Variants in SEC24C observed in about 807,000 individuals in gnomAD.
SEC24C encodes SEC24 homolog C, COPII component.
A neutral mutation model predicts 117.0 loss-of-function variants in SEC24C; 22 were observed. That is an observed-to-expected ratio of 0.19 (90% CI 0.13 to 0.27). SEC24C has a LOEUF of 0.27. SEC24C is among the 10% of genes least tolerant of loss of function. SEC24C has a pLI of 1.00. For synonymous variants in SEC24C, 506 were observed against 529.4 expected (o/e 0.96, Z 0.61); for missense variants, 1,155 against 1,375.1 (o/e 0.84, Z 2.53).
At chr10:73,761,337 TCTG>T (rs2082793416) in intron 6 of SEC24C, among the ~76,000 whole-genome samples, 1 of 152,204 alleles carries the variant, frequency 6.6e-6, no homozygotes, top group African/African-American at 2.4e-5. Context: ...TTGGTAGGCT[TCTG>T]CTGTGTGGAT....
intron 20 of SEC24C, 26 bp from the exon 21 acceptor site, chr10:73,770,254 C>A (rs530958712): frequency 6.3e-7 from 1 of 1,575,300 alleles, no homozygotes; most frequent in South Asian, 1.2e-5. Flanking sequence ...TCCTTGGTAA[C>A]CTTTTGCTCC....
Position 73,769,765 on chromosome 10 carries a change from T to C in SEC24C, c.2682+32T>C. The C allele has an allele frequency of 1.2e-6, 2 of 1,612,670 alleles. No homozygotes were observed. Among genetic ancestry groups the C allele is most frequent in the African/African-American group, 1.3e-5 (1 of 75,006 alleles). ...CAAGTATATTAGTGGGAGGTGGGGTTGTTGGGACAAATGTTTGCATTTGGG... is the reference window on the plus strand; with the variant it reads ...CAAGTATATTAGTGGGAGGTGGGGTCGTTGGGACAAATGTTTGCATTTGGG... On this transcript the variant is annotated intron_variant, in intron 19 of 22. Coordinates refer to ENST00000345254, the MANE Select transcript of SEC24C (RefSeq NM_198597.3). This position sits in a 1 kb window ranked among gnomAD's most constrained non-coding sequence, Gnocchi z 4.5.
intron 11 of SEC24C, 32 bp downstream of exon 11, chr10:73,766,242 G>T: frequency 6.3e-7 from 1 of 1,599,022 alleles, no homozygotes; most frequent in East Asian, 2.2e-5. Flanking sequence ...TGTTTCCTGA[G>T]GTTAATGATA....
chr10:73,759,150 C>T (rs2082756618), intron 3 of SEC24C, among the ~76,000 whole-genome samples: 1 of 151,562 alleles, frequency 6.6e-6, no homozygotes, highest in African/African-American at 2.4e-5. Flanking sequence ...GAGCTGTGAT[C>T]ACACCACTGC....
At chr10:73,757,321 T>A (rs1006028063) in intron 3 of SEC24C, among the ~76,000 whole-genome samples, 1 of 148,074 alleles carries the variant, frequency 6.8e-6, no homozygotes, top group African/African-American at 2.5e-5. Flanking sequence ...GCCAGAAGTT[T>A]TAGACCAGCC....
At position 73,769,330 on chromosome 10, in the gene SEC24C, T is replaced by C. The variant is rs779701196; in HGVS notation, c.2425-17T>C. On this transcript the variant is annotated splice_polypyrimidine_tract_variant and intron_variant, in intron 17 of 22. Coordinates refer to ENST00000345254, the MANE Select transcript of SEC24C (RefSeq NM_198597.3). The surrounding 1 kb of genome is among the most constrained non-coding windows in gnomAD (Gnocchi z 4.5). ...GTGAGGGAGGGGTGTGAGTTCCCCC[T>C]TTCTCCTTTCCCCTAGTGTGCCCTG... is the stretch of plus-strand genomic sequence containing the variant. 1.2e-6 allele frequency: 2 copies of C among 1,613,238 alleles called. No individual in the cohort carries two copies. The highest frequency in any genetic ancestry group is 1.1e-5 in the South Asian group (1 of 90,848).
rs538361674 is a variant in SEC24C, at chr10:73,770,366, G to A, written c.2949G>A (p.Leu983=). 5.0e-6 allele frequency: 8 copies of A among 1,614,022 alleles called. No individual in the cohort carries two copies. The East Asian group carries it at 1.1e-4, about 22-fold the overall frequency. Residue 983 remains leucine, a synonymous_variant, in exon 21 of 23, where the codon CTG becomes CTA. Coordinates refer to ENST00000345254, the MANE Select transcript of SEC24C (RefSeq NM_198597.3). ...ERLSNGDIYL[L]ENGLNLFLWV... is the part of the protein sequence containing the mutation. ...TAAGCAATGGGGATATATATTTACT[G>A]GAGAATGGGCTCAACCTCTTCCTCT...
At chr10:73,761,983 G>A in intron 6 of SEC24C, 1 of 608,214 alleles carries the variant, frequency 1.6e-6, no homozygotes, top group South Asian at 1.6e-5. Flanking sequence ...ATATGAGCTG[G>A]GCTCCAGCTG....
chr10:73,759,371 A>G (rs370527681), intron 3 of SEC24C, among the ~76,000 whole-genome samples: 1 of 152,246 alleles, frequency 6.6e-6, no homozygotes, highest in East Asian at 1.9e-4. Flanking sequence ...TTAGCAGAGT[A>G]AATAGTACTT....
chr10:73,768,790 C>T lies in SEC24C; in HGVS notation c.2182-20C>T, dbSNP rs764257479. ...GCTATGTCTAGTCAGTGACATGACTCTGGACCTGGGGGCCTGCAGGTGGAG... is the reference window on the plus strand; with the variant it reads ...GCTATGTCTAGTCAGTGACATGACTTTGGACCTGGGGGCCTGCAGGTGGAG... On this transcript the variant is annotated intron_variant, in intron 15 of 22. Coordinates refer to ENST00000345254, the MANE Select transcript of SEC24C (RefSeq NM_198597.3). 1.9e-6 allele frequency: 3 copies of T among 1,612,152 alleles called. No individual in the cohort carries two copies. The South Asian group carries it at 3.3e-5, about 18-fold the overall frequency.
chr10:73,770,630 G>A, intron 21 of SEC24C, 79 bp from the exon 22 acceptor site: 1 of 1,528,430 alleles, frequency 6.5e-7, no homozygotes, highest in South Asian at 1.1e-5. Context: ...TGTTTCAGAT[G>A]ATGCATACAT....
chr10:73,766,643 T>C, intron 12 of SEC24C, 102 bp downstream of exon 12: 1 of 1,454,396 alleles, frequency 6.9e-7, no homozygotes, highest in South Asian at 1.2e-5. Context: ...TGGAAAGGGG[T>C]TGTGGCCCAG....
chr10:73,765,466 G>T lies in SEC24C; in HGVS notation c.1243G>T (p.Val415Leu). The change falls in exon 9 of 23, where the codon GTG becomes TTG. Residue 415 changes from valine (V) to leucine (L), a missense_variant. Transcript: ENST00000345254. ...LPPEEASPYVVDHGESGPLRC... is the reference protein window; with the variant it reads ...LPPEEASPYVLDHGESGPLRC... ...TGCGCCTTAGGCTTCACCGTATGTT[G>T]TGGACCATGGGGAATCTGGCCCTTT... The T allele has an allele frequency of 6.2e-7, 1 of 1,613,524 alleles. No homozygotes were observed. Among genetic ancestry groups the T allele is most frequent in the Middle Eastern group, 1.7e-4 (1 of 6,058 alleles).
rs762204523 is a variant in SEC24C at position 73,769,868 on chromosome 10, A to G, written c.2715A>G (p.Pro905=). 6.2e-7 allele frequency: 1 copy of G among 1,614,228 alleles called. No homozygotes were observed. Among genetic ancestry groups the G allele is most frequent in the Middle Eastern group, 1.6e-4 (1 of 6,062 alleles). Residue 905 remains proline (P), a synonymous_variant, in exon 20 of 23, where the codon CCA becomes CCG. Transcript: ENST00000345254. This position sits in a 1 kb window ranked among gnomAD's most constrained non-coding sequence, Gnocchi z 4.5. The stretch of plus-strand genomic sequence containing the variant: ...TTCCTGAGTGCATGAAGCTACTCCC[A>G]GTTTACCTGAACTGTGTGTTGAAGA... The part of the protein sequence containing the change: ...LILPECMKLL[P]VYLNCVLKSD...
At position 73,766,858 on chromosome 10, in the gene SEC24C, G is replaced by C. The variant is rs762394808; in HGVS notation, c.1893+5G>C. Reference sequence around the variant, plus strand: ...GCTGGAATGGAGGCTCTGAAGGTAAGGCTGGAGTATCGGGCAACCTCCTCT... The same window carrying C: ...GCTGGAATGGAGGCTCTGAAGGTAACGCTGGAGTATCGGGCAACCTCCTCT... On this transcript the variant is annotated splice_donor_5th_base_variant and intron_variant, in intron 13 of 22. Coordinates refer to ENST00000345254, the MANE Select transcript of SEC24C (RefSeq NM_198597.3). The C allele has an allele frequency of 1.2e-6, 2 of 1,613,142 alleles. No individual in the cohort carries two copies. Among genetic ancestry groups the C allele is most frequent in the Non-Finnish European group, 1.7e-6 (2 of 1,179,168 alleles).
At chr10:73,765,397 C>G in intron 8 of SEC24C, 54 bp from the exon 9 acceptor site, 1 of 1,583,720 alleles carries the variant, frequency 6.3e-7, no homozygotes, top group Non-Finnish European at 8.6e-7. Context: ...CATCTCCTGG[C>G]TGAACCTACT....
intron 7 of SEC24C, 65 bp downstream of exon 7, chr10:73,763,666 G>GTTTTTT (rs1565044336): frequency 3.5e-4 from 74 of 212,860 alleles, no homozygotes; most frequent in Non-Finnish European, 4.7e-4. Context: ...TATGGTTGGG[G>GTTTTTT]CTTTTTTTTT....
intron 8 of SEC24C, among the ~76,000 whole-genome samples, chr10:73,764,606 A>G (rs142916610): frequency 2.6e-5 from 4 of 152,014 alleles, no homozygotes; most frequent in African/African-American, 7.2e-5. Flanking sequence ...TATCATGGTC[A>G]TCTCCAGATG....
rs544194845 is a variant in SEC24C at position 73,766,743 on chromosome 10, G to A, written c.1800-17G>A. 6.6e-5 allele frequency: 107 copies of A among 1,610,598 alleles called. No homozygotes were observed. The East Asian group carries it at 1.2e-3, about 18-fold the overall frequency. On this transcript the variant is annotated splice_polypyrimidine_tract_variant and intron_variant, in intron 12 of 22. Transcript: ENST00000345254. ...TGTATAGCAATTTTGGTTGTTTTCC[G>A]TCACCTATCTCTTTAGCTTATTGGA...
Sources: gnomAD v4.1 joint callset for allele counts (sites outside exome capture counted in the v4.1 genomes callset) on GRCh38, gnomAD v4.1.1 for gene constraint, Gnocchi (gnomAD v3.1) non-coding constraint, MANE v1.5 for transcripts, NCBI Gene and HGNC (gene_info 2026-07-23, HGNC 2026-07-21) for gene names.